The following SMS variants were observed in gnomAD, a reference collection of about 807,000 sequenced individuals.
The protein encoded by SMS is spermine synthase.
Under a neutral mutation model 33.0 loss-of-function variants are expected in SMS, and 3 were observed. The ratio of observed to expected loss-of-function variants is 0.09; its 90% CI spans 0.04 to 0.23. The LOEUF (loss-of-function observed/expected upper bound fraction) is 0.23, where lower values mean the gene tolerates loss of function less well. Ranked by LOEUF, SMS falls within the 10% of genes least tolerant of loss-of-function variation. The pLI is 1.00. For synonymous variants in SMS, 103 were observed against 112.2 expected (o/e 0.92, Z 0.52); for missense variants, 117 against 288.6 (o/e 0.41, Z 4.31).
chrX:21,949,440 G>T (rs375266138), intron 1 of SMS, among the ~76,000 whole-genome samples: 1 of 112,210 alleles, frequency 8.9e-6, no homozygotes, highest in African/African-American at 3.2e-5. Flanking sequence ...GAAGGGTAAC[G>T]AAAGCTCTGC....
intron 1 of SMS, among the ~76,000 whole-genome samples, chrX:21,958,489 G>A (rs774995329): frequency 1.7e-4 from 19 of 111,864 alleles, no homozygotes; most frequent in African/African-American, 5.9e-4. Context: ...CTCCTTTATC[G>A]AACATGTACA....
At chrX:21,966,018 C>T (rs907058695) in intron 1 of SMS, among the ~76,000 whole-genome samples, 1 of 112,007 alleles carries the variant, frequency 8.9e-6, no homozygotes, top group African/African-American at 3.2e-5. Context: ...GGCCTCTAAA[C>T]TTCCCGTTTG....
At chrX:21,955,616 C>A (rs1317416174) in intron 1 of SMS, among the ~76,000 whole-genome samples, 1 of 111,767 alleles carries the variant, frequency 8.9e-6, no homozygotes, top group Non-Finnish European at 1.9e-5. Context: ...ATGACCCCCA[C>A]CCCCTGCTTT....
chrX:21,946,651 C>T (rs1922254460), intron 1 of SMS, among the ~76,000 whole-genome samples: 2 of 111,327 alleles, frequency 1.8e-5, no homozygotes, highest in Admixed American at 1.9e-4. Context: ...TGGGTGACAT[C>T]TGGCAATTTC....
intron 10 of SMS, 70 bp from the exon 11 acceptor site, chrX:21,994,242 G>A: frequency 1.0e-6 from 1 of 993,750 alleles, no homozygotes; most frequent in Non-Finnish European, 1.4e-6. Context: ...TTGTAGGCCA[G>A]CAAACGAATT....
At chrX:21,952,909 G>A (rs1396212491) in intron 1 of SMS, among the ~76,000 whole-genome samples, 16 of 101,327 alleles carry the variant, frequency 1.6e-4, no homozygotes, top group African/African-American at 5.8e-4. Flanking sequence ...CAACAGGTAC[G>A]CACCATCATC....
chrX:21,957,774 A>G (rs770276971), intron 1 of SMS, among the ~76,000 whole-genome samples: 3 of 111,540 alleles, frequency 2.7e-5, no homozygotes, highest in Non-Finnish European at 5.6e-5. Flanking sequence ...GCCAACATCT[A>G]TTATTTCTTT....
intron 1 of SMS, among the ~76,000 whole-genome samples, chrX:21,944,544 A>AGAAAAG (rs1220074655): frequency 1.6e-4 from 16 of 99,057 alleles, no homozygotes; most frequent in African/African-American, 4.9e-4. Flanking sequence ...AAAAAAAAAA[A>AGAAAAG]AGAAAAAAAA....
intron 1 of SMS, among the ~76,000 whole-genome samples, chrX:21,957,361 G>T (rs1484969814): frequency 1.8e-5 from 2 of 109,218 alleles, no homozygotes; most frequent in Non-Finnish European, 1.9e-5. Flanking sequence ...CAGTGGCACC[G>T]TCTCGGCTCA....
Position 21,994,603 on chromosome X carries a change from C to A in SMS, c.*252C>A, listed in dbSNP as rs1407708930. 2 of 914,011 alleles carry A rather than the reference C, an allele frequency of 2.2e-6. No individual in the cohort carries two copies. The highest frequency in any genetic ancestry group is 2.1e-5 in the African/African-American group (1 of 47,363). 75.3% of individuals were successfully genotyped at this position (914,011 alleles called of 1,213,427 possible). A position where few individuals can be genotyped will look rare whatever the true frequency, so the allele number is the denominator to read the frequency against. On this transcript the variant is annotated 3_prime_UTR_variant, in exon 11 of 11. Transcript: ENST00000404933. ...AGACTGCTAAATGCACTGACCCCCC[C>A]CATTAGAATGTGATTTTTGTTCCTT...
At chrX:21,954,630 T>A (rs960341667) in intron 1 of SMS, among the ~76,000 whole-genome samples, 1 of 111,781 alleles carries the variant, frequency 8.9e-6, no homozygotes, top group Non-Finnish European at 1.9e-5. Context: ...CCCAGTTGAA[T>A]GTGGTCTTGG....
At chrX:21,993,299 A>G (rs950319369) in intron 10 of SMS, among the ~76,000 whole-genome samples, 13 of 113,124 alleles carry the variant, frequency 1.1e-4, no homozygotes, top group African/African-American at 3.9e-4. Context: ...GAGAACTAGA[A>G]TGATGTTGGG....
At chrX:21,959,752 C>T (rs1238036752) in intron 1 of SMS, 1 of 122,935 alleles carries the variant, frequency 8.1e-6, no homozygotes, top group Non-Finnish European at 1.6e-5. Flanking sequence ...TGTGAAGGGA[C>T]ATTGTGCACA....
At chrX:21,971,839 T>C in intron 2 of SMS, 58 bp from the exon 3 acceptor site, 7 of 452,994 alleles carry the variant, frequency 1.5e-5, no homozygotes, top group Non-Finnish European at 2.5e-5. Context: ...TCTCTCTCTC[T>C]TTTTTTTTTA....
At chrX:21,978,161 T>C in intron 6 of SMS, 47 bp downstream of exon 6, 2 of 1,120,106 alleles carry the variant, frequency 1.8e-6, no homozygotes, top group Non-Finnish European at 2.5e-6. Flanking sequence ...CTTCTTTTGT[T>C]TCCTTCCTTC....
intron 9 of SMS, among the ~76,000 whole-genome samples, chrX:21,987,600 G>A (rs1955833971): frequency 8.9e-6 from 1 of 112,875 alleles, no homozygotes; most frequent in Non-Finnish European, 1.9e-5. Context: ...TGAGATTACT[G>A]CCATGAGTGA....
At chrX:21,966,083 CTT>C (rs1923700431) in intron 1 of SMS, among the ~76,000 whole-genome samples, 2 of 112,489 alleles carry the variant, frequency 1.8e-5, no homozygotes, top group Admixed American at 9.4e-5. Context: ...GAGATAGACT[CTT>C]TATGCATAGT....
intron 1 of SMS, among the ~76,000 whole-genome samples, chrX:21,946,124 C>G (rs1922212214): frequency 1.8e-5 from 2 of 112,375 alleles, no homozygotes; most frequent in South Asian, 7.3e-4. Context: ...TGCTAAATTT[C>G]TATTAGTGAA....
At chrX:21,952,391 A>G (rs1321033067) in intron 1 of SMS, among the ~76,000 whole-genome samples, 2 of 96,977 alleles carry the variant, frequency 2.1e-5, no homozygotes, top group African/African-American at 3.9e-5. Flanking sequence ...TCTTTAACCT[A>G]TTATGGTGGA....
Sources: gnomAD v4.1 joint callset for allele counts (sites outside exome capture counted in the v4.1 genomes callset) on GRCh38, gnomAD v4.1.1 for gene constraint, MANE v1.5 for transcripts, NCBI Gene and HGNC (gene_info 2026-07-23, HGNC 2026-07-21) for gene names.